GRM7: variants seen among roughly 807,000 people sequenced by gnomAD.
GRM7 encodes glutamate metabotropic receptor 7, also known as metabotropic glutamate receptor 7.
A neutral mutation model predicts 84.5 loss-of-function variants in GRM7; 35 were observed. The observed-to-expected ratio is 0.41, with a 90% CI of 0.32 to 0.55. The LOEUF (loss-of-function observed/expected upper bound fraction) is 0.55, where lower values mean the gene tolerates loss of function less well. Among genes scored for constraint, GRM7 ranks in the 20% least tolerant of loss-of-function variants. The pLI is 0.19. For missense variants in GRM7, 1,003 were observed against 1,194.6 expected, an observed-to-expected ratio of 0.84 and a Z score of 2.36; for synonymous variants, 487 against 455.1, an observed-to-expected ratio of 1.07 and a Z score of -0.89.
intron 7 of GRM7, among the ~76,000 whole-genome samples, chr3:7,572,690 C>T (rs564532627): frequency 6.0e-5 from 9 of 149,774 alleles, no homozygotes; most frequent in African/African-American, 1.2e-4. Flanking sequence ...GGCATGGGGG[C>T]GGGTGCCTGT....
intron 8 of GRM7, among the ~76,000 whole-genome samples, chr3:7,590,771 C>T (rs1695743235): frequency 6.6e-6 from 1 of 152,152 alleles, no homozygotes; most frequent in Non-Finnish European, 1.5e-5. Flanking sequence ...ATCATGGCTT[C>T]CTTAACTCTC....
chr3:6,977,604 A>C (rs1296560573), intron 1 of GRM7, among the ~76,000 whole-genome samples: 1 of 152,160 alleles, frequency 6.6e-6, no homozygotes, highest in African/African-American at 2.4e-5. Context: ...AAGCAAACTA[A>C]GTCTCCAATC....
chr3:6,935,759 G>A (rs1697669566), intron 1 of GRM7, among the ~76,000 whole-genome samples: 1 of 151,188 alleles, frequency 6.6e-6, no homozygotes, highest in Non-Finnish European at 1.5e-5. Context: ...GCAATGGTGA[G>A]ATCTTGGCTC....
rs150935809 is a variant in GRM7, at chr3:7,245,324, T to C, written c.737-53360T>C. ...GAAGCCAAACGAATCTCAGGCAGGG[T>C]AATAAAAATCAAATCATATCTAGGA... is the stretch of plus-strand genomic sequence containing the variant. On this transcript the variant is annotated intron_variant, in intron 2 of 9. Transcript: ENST00000357716. Among the ~76,000 whole-genome samples, 10 of 151,990 alleles carry C rather than the reference T, an allele frequency of 6.6e-5. No homozygotes were observed. In the East Asian group the frequency reaches 1.5e-3, roughly 24 times the overall value.
rs770756090 is a variant in GRM7, at chr3:7,608,036, A to G, written c.2451+28679A>G. On this transcript the variant is annotated intron_variant, in intron 8 of 9. Coordinates refer to ENST00000357716, the MANE Select transcript of GRM7 (RefSeq NM_000844.4). Reference sequence around the variant, plus strand: ...GCTAAGGATAACAGCCTCCAGCTCCATCTATGTTCCTGCAAAAGACATGAC... The same window carrying G: ...GCTAAGGATAACAGCCTCCAGCTCCGTCTATGTTCCTGCAAAAGACATGAC... The G allele has an allele frequency of 1.7e-4, 63 of 367,502 alleles. 1 individual carries two copies. Among genetic ancestry groups the G allele is most frequent in the South Asian group, 1.2e-3 (63 of 51,588 alleles). The allele number at this position is 367,502 out of a possible 1,614,324, so 22.8% of individuals were successfully genotyped here. A position where few individuals can be genotyped will look rare whatever the true frequency, so the allele number is the denominator to read the frequency against.
chr3:7,281,771 A>C (rs1251841883), intron 2 of GRM7, among the ~76,000 whole-genome samples: 6 of 152,168 alleles, frequency 3.9e-5, no homozygotes. Context: ...CCCCAGACCT[A>C]CTGAATCAGA....
At chr3:7,026,090 A>T (rs1327950299) in intron 1 of GRM7, among the ~76,000 whole-genome samples, 1 of 152,294 alleles carries the variant, frequency 6.6e-6, no homozygotes, top group Middle Eastern at 3.4e-3. Context: ...GTGCAGGGAA[A>T]AGAAGTGGAT....
At chr3:7,278,275 C>A (rs559774880) in intron 2 of GRM7, among the ~76,000 whole-genome samples, 11 of 151,870 alleles carry the variant, frequency 7.2e-5, no homozygotes, top group African/African-American at 2.4e-4. Context: ...TTTATTTTGT[C>A]CTTGAGTTTA....
intron 7 of GRM7, among the ~76,000 whole-genome samples, chr3:7,564,176 G>A (rs1414944267): frequency 6.6e-6 from 1 of 152,158 alleles, no homozygotes. Flanking sequence ...ACTCTCCAAT[G>A]GGAGCAAGGT....
chr3:7,648,871 G>A (rs1210456121), intron 8 of GRM7, among the ~76,000 whole-genome samples: 1 of 152,010 alleles, frequency 6.6e-6, no homozygotes. Context: ...TTTGACTAGT[G>A]GATTTAGTCA....
At chr3:6,936,006 GC>G (rs1445826523) in intron 1 of GRM7, among the ~76,000 whole-genome samples, 2 of 152,048 alleles carry the variant, frequency 1.3e-5, no homozygotes, top group African/African-American at 4.8e-5. Flanking sequence ...ACCACTCCCA[GC>G]CTTTGCTTTC....
intron 9 of GRM7, among the ~76,000 whole-genome samples, chr3:7,720,025 A>G (rs1370231628): frequency 6.6e-6 from 1 of 152,156 alleles, no homozygotes; most frequent in Admixed American, 6.5e-5. Context: ...ATAAGAGTAT[A>G]TTCTTAAATG....
chr3:7,064,181 C>T (rs1011350358), intron 1 of GRM7, among the ~76,000 whole-genome samples: 37 of 150,832 alleles, frequency 2.5e-4, no homozygotes, highest in African/African-American at 8.7e-4. Context: ...TTTTGGTGCA[C>T]CTATCACCCA....
intron 1 of GRM7, among the ~76,000 whole-genome samples, chr3:7,033,064 G>C (rs1414135041): frequency 6.6e-6 from 1 of 152,144 alleles, no homozygotes; most frequent in Non-Finnish European, 1.5e-5. Context: ...GGGAGAATCT[G>C]TTTCATACCT....
chr3:7,000,712 C>G (rs1298378645), intron 1 of GRM7, among the ~76,000 whole-genome samples: 8 of 152,132 alleles, frequency 5.3e-5, no homozygotes, highest in Admixed American at 5.2e-4. Flanking sequence ...TTTGGCATTT[C>G]TTTTCTTTCT....
At chr3:7,207,154 G>A (rs923107277) in intron 2 of GRM7, among the ~76,000 whole-genome samples, 1 of 152,192 alleles carries the variant, frequency 6.6e-6, no homozygotes, top group Non-Finnish European at 1.5e-5. Flanking sequence ...GCCCAAGTGA[G>A]CTTCTGTAAT....
chr3:7,313,515 T>C (rs1294646207), intron 4 of GRM7, among the ~76,000 whole-genome samples: 2 of 152,186 alleles, frequency 1.3e-5, no homozygotes, highest in Non-Finnish European at 2.9e-5. Context: ...AATACCTTTC[T>C]TATTCACCTC....
chr3:7,184,458 A>T (rs1354889506), intron 2 of GRM7, among the ~76,000 whole-genome samples: 1 of 152,128 alleles, frequency 6.6e-6, no homozygotes, highest in African/African-American at 2.4e-5. Context: ...AAATATTTTG[A>T]TAAAATATAT....
chr3:6,955,583 G>T (rs912373354), intron 1 of GRM7, among the ~76,000 whole-genome samples: 1 of 151,444 alleles, frequency 6.6e-6, no homozygotes, highest in Non-Finnish European at 1.5e-5. Flanking sequence ...AGTGACTCAC[G>T]CCTGTAATCC....
Sources: allele counts gnomAD v4.1 joint callset (sites outside exome capture counted in the v4.1 genomes callset), GRCh38; gene constraint gnomAD v4.1.1; transcripts MANE v1.5; gene names NCBI Gene and HGNC (gene_info 2026-07-23, HGNC 2026-07-21).